MED14: variants seen among roughly 807,000 people sequenced by gnomAD.
MED14 encodes the protein mediator complex subunit 14, also known as mediator of RNA polymerase II transcription subunit 14.
In MED14, 8 loss-of-function variants were observed where a neutral mutation model predicts 109.0. The ratio of observed to expected loss-of-function variants is 0.07; its 90% CI spans 0.04 to 0.13. The LOEUF is 0.13. Among genes scored for constraint, MED14 ranks in the 10% least tolerant of loss-of-function variants. The probability of loss-of-function intolerance (pLI) is 1.00; values close to 1 mark genes in which losing one functional copy is unlikely to be tolerated. For synonymous variants in MED14, 399 were observed against 408.7 expected (o/e 0.98, Z 0.29); for missense variants, 711 against 1,142.4 (o/e 0.62, Z 5.44).
chrX:40,676,938 C>A (rs1005749234), intron 21 of MED14, among the ~76,000 whole-genome samples: 2 of 111,497 alleles, frequency 1.8e-5, no homozygotes, highest in African/African-American at 3.3e-5. Context: ...ATCTTTACAG[C>A]AATGTGAAAA....
chrX:40,658,663 C>A (rs1394389562), intron 28 of MED14, among the ~76,000 whole-genome samples: 3 of 81,254 alleles, frequency 3.7e-5, no homozygotes, highest in African/African-American at 1.0e-4. Context: ...CCAGCCTGAG[C>A]AACACGGTGA....
chrX:40,649,723 C>T lies in MED14; in HGVS notation c.*2083G>A. On this transcript the variant is annotated 3_prime_UTR_variant, in exon 31 of 31. Transcript: ENST00000324817. ...ATGATTTGTGATGAAACTTACTATT[C>T]AAATGCTAAATGTTTTCAAGCTTTA... 1 of 880,715 alleles carries T rather than the reference C, an allele frequency of 1.1e-6. No individual in the cohort carries two copies. Among genetic ancestry groups the T allele is most frequent in the Non-Finnish European group, 1.4e-6 (1 of 710,855 alleles). The allele number at this position is 880,715 out of a possible 1,213,427, so 72.6% of individuals were successfully genotyped here.
rs750284662 is a variant in MED14 at position 40,674,099 on chromosome X, T to G, written c.3021+1122A>C. 2.3e-4 allele frequency among the ~76,000 whole-genome samples: 26 copies of G among 111,147 alleles called. No individual in the cohort carries two copies. In the South Asian group the frequency reaches 9.6e-3, roughly 41 times the overall value. ...CCACAAGAAAAAAGCTGCTCTGATATCCGCTGGGCCAAGGTACTTCTCTCC... is the reference window on the plus strand; with the variant it reads ...CCACAAGAAAAAAGCTGCTCTGATAGCCGCTGGGCCAAGGTACTTCTCTCC... On this transcript the variant is annotated intron_variant, in intron 22 of 30. Coordinates refer to ENST00000324817, the MANE Select transcript of MED14 (RefSeq NM_004229.4).
At chrX:40,729,268 C>G (rs375279056) in intron 2 of MED14, 51 bp downstream of exon 2, 80 of 1,150,324 alleles carry the variant, frequency 7.0e-5, no homozygotes, top group Non-Finnish European at 8.9e-5. Flanking sequence ...CACCAACACT[C>G]ATAGATTGAT....
Position 40,660,979 on chromosome X carries a change from A to G in MED14, c.3685-1372T>C, listed in dbSNP as rs751089955. Among the ~76,000 whole-genome samples, 67 of 112,417 alleles carry G rather than the reference A, an allele frequency of 6.0e-4. 1 individual carries two copies. Among genetic ancestry groups the G allele is most frequent in the African/African-American group, 1.9e-3 (59 of 30,982 alleles). On this transcript the variant is annotated intron_variant, in intron 26 of 30. Coordinates refer to ENST00000324817, the MANE Select transcript of MED14 (RefSeq NM_004229.4). ...GCCCAGGCTGGAGTGCAGTGTCACC[A>G]TCTCGGCTCACTGCAACCTCTACCT...
Position 40,655,074 on chromosome X carries a change from G to GA in MED14, c.3973-15dup, listed in dbSNP as rs773989130. 8.4e-7 allele frequency: 1 copy of GA among 1,196,287 alleles called. No individual in the cohort carries two copies. On this transcript the variant is annotated splice_polypyrimidine_tract_variant and intron_variant, in intron 28 of 30. Transcript: ENST00000324817. Reference sequence around the variant, plus strand: ...TTGGTCAGGGAACTATTTTGAGGGGGAAAAATCAAGATAAAGGCATATAAA... The same window carrying GA: ...TTGGTCAGGGAACTATTTTGAGGGGGAAAAAATCAAGATAAAGGCATATAAA...
At chrX:40,712,145 A>C (rs747266881) in intron 7 of MED14, 41 bp downstream of exon 7, 2 of 1,037,120 alleles carry the variant, frequency 1.9e-6, no homozygotes, top group East Asian at 6.1e-5. Flanking sequence ...GAGGTACCAC[A>C]AAATCCTTAC....
chrX:40,691,513 C>T (rs936754610), intron 15 of MED14, among the ~76,000 whole-genome samples: 1 of 110,416 alleles, frequency 9.1e-6, no homozygotes, highest in African/African-American at 3.3e-5. Context: ...TCTTGAACTC[C>T]TAAGCTCAAG....
intron 12 of MED14, among the ~76,000 whole-genome samples, chrX:40,698,947 T>A (rs1160261127): frequency 8.9e-6 from 1 of 112,269 alleles, no homozygotes; most frequent in Non-Finnish European, 1.9e-5. Context: ...TAAGTCCACA[T>A]ATAGACTTAC....
chrX:40,692,133 A>G, intron 15 of MED14, 50 bp downstream of exon 15: 1 of 1,151,296 alleles, frequency 8.7e-7, no homozygotes. Context: ...AACACATTTT[A>G]AAAACTACTC....
At chrX:40,654,587 A>G in intron 29 of MED14, 31 bp from the exon 30 acceptor site, 1 of 1,162,904 alleles carries the variant, frequency 8.6e-7, no homozygotes, top group Non-Finnish European at 1.2e-6. Flanking sequence ...CAAAGAGAAT[A>G]AAAACATCAT....
rs1929879645 is a variant in MED14, at chrX:40,675,389, A to G, written c.2881-28T>C. 4.7e-6 allele frequency: 5 copies of G among 1,067,373 alleles called. No individual in the cohort carries two copies. The East Asian group carries it at 1.7e-4, about 36-fold the overall frequency. The allele number at this position is 1,067,373 out of a possible 1,213,427, so 88.0% of individuals were successfully genotyped here. A position where few individuals can be genotyped will look rare whatever the true frequency, so the allele number is the denominator to read the frequency against. On this transcript the variant is annotated intron_variant, in intron 21 of 30. Coordinates refer to ENST00000324817, the MANE Select transcript of MED14 (RefSeq NM_004229.4). ...ACGGATATAAACAGGTAAAATTTAG[A>G]TTATTTTACCTAACATTATTAGTAA...
intron 12 of MED14, among the ~76,000 whole-genome samples, chrX:40,698,216 T>C (rs745709497): frequency 8.9e-6 from 1 of 112,545 alleles, no homozygotes; most frequent in Non-Finnish European, 1.9e-5. Flanking sequence ...CTAGTATGTA[T>C]GTTATTAAAA....
intron 13 of MED14, among the ~76,000 whole-genome samples, chrX:40,695,646 G>T (rs943330199): frequency 1.8e-5 from 2 of 112,418 alleles, no homozygotes; most frequent in Non-Finnish European, 3.8e-5. Flanking sequence ...GTTTCGCTAT[G>T]ATGCATGTAT....
Position 40,681,794 on chromosome X carries a change from T to A in MED14, c.2457+58A>T, listed in dbSNP as rs916498523. On this transcript the variant is annotated intron_variant, in intron 19 of 30. Transcript: ENST00000324817. ...TATTAAGGTAATTTTCATGTTTTTT[T>A]AATTCTTGATTTTTAAGATTCATAA... is the stretch of plus-strand genomic sequence containing the variant. 2.2e-5 allele frequency: 14 copies of A among 647,468 alleles called. No homozygotes were observed. The African/African-American group carries it at 3.0e-4, about 14-fold the overall frequency. The allele number at this position is 647,468 out of a possible 1,213,427, so 53.4% of individuals were successfully genotyped here. A position where few individuals can be genotyped will look rare whatever the true frequency, so the allele number is the denominator to read the frequency against.
At position 40,650,044 on chromosome X, in the gene MED14, T is replaced by C. The variant is rs761754226; in HGVS notation, c.*1762A>G. 1.3e-6 allele frequency: 1 copy of C among 743,366 alleles called. No homozygotes were observed. The highest frequency in any genetic ancestry group is 1.6e-6 in the Non-Finnish European group (1 of 630,039). 61.3% of individuals were successfully genotyped at this position (743,366 alleles called of 1,213,427 possible). A position where few individuals can be genotyped will look rare whatever the true frequency, so the allele number is the denominator to read the frequency against. On this transcript the variant is annotated 3_prime_UTR_variant, in exon 31 of 31. Transcript: ENST00000324817. ...ATCCTGCAGATAAAAATACATTTCT[T>C]GTATATACATGTAGATTTCTACATG... is the stretch of plus-strand genomic sequence containing the variant.
rs777640043 is a variant in MED14 at position 40,680,817 on chromosome X, T to C, written c.2551A>G (p.Ile851Val). The C allele has an allele frequency of 5.0e-6, 6 of 1,205,283 alleles. No individual in the cohort carries two copies. In the Middle Eastern group the frequency reaches 9.2e-4, roughly 185 times the overall value. Residue 851 changes from isoleucine (I) to valine (V), a missense_variant, in exon 20 of 31, where the codon ATT becomes GTT. Ile to Val is a conservative substitution (Grantham distance 29). This residue lies in a region of MED14 where 29 missense variants were observed against 102.4 expected (regional missense o/e 0.28). Coordinates refer to ENST00000324817, the MANE Select transcript of MED14 (RefSeq NM_004229.4). Reference sequence around the variant, plus strand: ...AACATTTCTTGAAGCTGATGGAGAATGGTATTGTGACAGTTACTGCAACCT... The same window carrying C: ...AACATTTCTTGAAGCTGATGGAGAACGGTATTGTGACAGTTACTGCAACCT... ...NSGCSNCHNT[I>V]LHQLQEMFNK...
chrX:40,715,204 T>C (rs749141073), intron 3 of MED14, among the ~76,000 whole-genome samples: 6 of 111,325 alleles, frequency 5.4e-5, no homozygotes, highest in Non-Finnish European at 1.1e-4. Context: ...TGATTCCCAA[T>C]CTCATAAAGT....
At chrX:40,735,558 C>T (rs929795383), upstream of MED14, 10 of 574,992 alleles carry the variant, frequency 1.7e-5, no homozygotes, top group Admixed American at 1.6e-4. Flanking sequence ...CGTGCGCCGA[C>T]CGCGGAAGCC....
Sources: allele counts gnomAD v4.1 joint callset (sites outside exome capture counted in the v4.1 genomes callset), GRCh38; gene constraint gnomAD v4.1.1; regional missense constraint gnomAD v4.1.1; transcripts MANE v1.5; gene names NCBI Gene and HGNC (gene_info 2026-07-23, HGNC 2026-07-21).